The following PDE8A variants were observed in gnomAD, a reference collection of about 807,000 sequenced individuals.
PDE8A encodes the protein phosphodiesterase 8A.
In PDE8A, 59 loss-of-function variants were observed where a neutral mutation model predicts 105.0. That is an observed-to-expected ratio of 0.56 (90% CI 0.46 to 0.70). The LOEUF (loss-of-function observed/expected upper bound fraction) is 0.70. Among genes scored for constraint, PDE8A ranks in the 30% least tolerant of loss-of-function variants. The pLI is 0.00. For missense variants in PDE8A, 1,014 were observed against 1,045.9 expected (o/e 0.97, Z 0.42); for synonymous variants, 355 against 371.9 (o/e 0.95, Z 0.52).
In PDE8A at chr15:85,091,121, T is replaced by A. The variant is rs1441420773; in HGVS notation, c.792T>A (p.Pro264=). ...TAGGGAAGGAGTTAGGAGAAGTGCC[T>A]ATAAATGAAAAAAAGGCTGACTTGC... ...ELIGKELGEV[P]INEKKADLLD... The change falls in exon 8 of 22, where the codon CCT becomes CCA. Residue 264 remains proline (P), a synonymous_variant. Coordinates refer to ENST00000394553, the MANE Select transcript of PDE8A (RefSeq NM_002605.3). 6.2e-7 allele frequency: 1 copy of A among 1,613,176 alleles called. No individual in the cohort carries two copies. Among genetic ancestry groups the A allele is most frequent in the Non-Finnish European group, 8.5e-7 (1 of 1,179,428 alleles).
At chr15:85,065,562 A>G (rs1338775083) in intron 2 of PDE8A, among the ~76,000 whole-genome samples, 6 of 152,132 alleles carry the variant, frequency 3.9e-5, no homozygotes, top group African/African-American at 7.2e-5. Flanking sequence ...TGTTTCATTC[A>G]CTATTACATT....
intron 1 of PDE8A, among the ~76,000 whole-genome samples, chr15:85,009,542 G>C (rs1176853431): frequency 6.6e-6 from 1 of 152,166 alleles, no homozygotes; most frequent in African/African-American, 2.4e-5. Flanking sequence ...AGGATTTCAG[G>C]CTGGAGAAGG....
chr15:85,024,018 C>CAA (rs3042742), intron 1 of PDE8A, among the ~76,000 whole-genome samples: 12 of 150,850 alleles, frequency 8.0e-5, no homozygotes, highest in South Asian at 2.1e-4. Flanking sequence ...CTCAGATTTC[C>CAA]AAAAAAAAGT....
chr15:85,094,019 C>T (rs1009272100), intron 8 of PDE8A, among the ~76,000 whole-genome samples: 1 of 152,134 alleles, frequency 6.6e-6, no homozygotes, highest in African/African-American at 2.4e-5. Context: ...ACCATCACAC[C>T]TGGCTAATTT....
intron 5 of PDE8A, among the ~76,000 whole-genome samples, chr15:85,082,266 A>G (rs2081479384): frequency 1.3e-5 from 2 of 152,140 alleles, no homozygotes; most frequent in Admixed American, 6.5e-5. Context: ...GTTTTGGCCT[A>G]TAGGTATAAG....
chr15:85,040,351 C>A (rs1248655983), intron 1 of PDE8A, among the ~76,000 whole-genome samples: 2 of 147,256 alleles, frequency 1.4e-5, no homozygotes, highest in Non-Finnish European at 3.0e-5. Flanking sequence ...GCCACCATGC[C>A]CAGCCAAGAC....
At chr15:85,074,995 G>A (rs930259008) in intron 3 of PDE8A, among the ~76,000 whole-genome samples, 1 of 152,154 alleles carries the variant, frequency 6.6e-6, no homozygotes, top group Non-Finnish European at 1.5e-5. Context: ...TGGGTCTGGG[G>A]TGAGTTCCTT....
intron 11 of PDE8A, among the ~76,000 whole-genome samples, chr15:85,103,424 C>T: frequency 6.6e-6 from 1 of 152,116 alleles, no homozygotes; most frequent in Non-Finnish European, 1.5e-5. Context: ...CCAGGTGAGC[C>T]ACTTGCCCAT....
intron 6 of PDE8A, among the ~76,000 whole-genome samples, chr15:85,088,504 T>G (rs2081590136): frequency 6.6e-6 from 1 of 152,256 alleles, no homozygotes; most frequent in Admixed American, 6.5e-5. Context: ...TGTTTATCCA[T>G]TCATCAGTTG....
intron 8 of PDE8A, among the ~76,000 whole-genome samples, chr15:85,095,107 T>G (rs1304770126): frequency 1.3e-5 from 2 of 152,100 alleles, no homozygotes; most frequent in Admixed American, 6.6e-5. Flanking sequence ...ACTGCATCAA[T>G]AGCTTGGTGC....
chr15:84,985,357 TAA>T (rs2079785925), intron 1 of PDE8A, among the ~76,000 whole-genome samples: 1 of 152,240 alleles, frequency 6.6e-6, no homozygotes, highest in African/African-American at 2.4e-5. Flanking sequence ...TTCGGGAGTT[TAA>T]GTTTATGTGG....
chr15:84,986,493 C>G (rs1418528256), intron 1 of PDE8A, among the ~76,000 whole-genome samples: 6 of 152,130 alleles, frequency 3.9e-5, no homozygotes, highest in Admixed American at 2.0e-4. Flanking sequence ...CTGCACAAAA[C>G]TGGCCACTCT....
In PDE8A at chr15:85,044,357, G is replaced by C. The variant is rs536707910; in HGVS notation, c.187-20013G>C. Among the ~76,000 whole-genome samples, 96 of 43,228 alleles carry C rather than the reference G, an allele frequency of 2.2e-3. No homozygotes were observed. In the South Asian group the frequency reaches 0.035, roughly 16 times the overall value. 28.4% of individuals were successfully genotyped at this position (43,228 alleles called of 152,430 possible). ...TGATGGGAAAATCAGGAACAGGTAG[G>C]GGGAGGAAAGAGACTATGACAGTGG... is the stretch of plus-strand genomic sequence containing the variant. On this transcript the variant is annotated intron_variant, in intron 1 of 21. Coordinates refer to ENST00000394553, the MANE Select transcript of PDE8A (RefSeq NM_002605.3).
chr15:85,109,281 C>T, intron 12 of PDE8A, 151 bp downstream of exon 12: 1 of 516,036 alleles, frequency 1.9e-6, no homozygotes, highest in East Asian at 3.0e-5. Context: ...TTCTCCCTCT[C>T]TGTGGACTCC....
intron 1 of PDE8A, among the ~76,000 whole-genome samples, 183 bp downstream of exon 1, chr15:84,982,531 C>G (rs1412906150): frequency 6.6e-6 from 1 of 152,194 alleles, no homozygotes; most frequent in Non-Finnish European, 1.5e-5. Context: ...GAAGGACCGA[C>G]CCAGGTCCCG....
chr15:85,078,145 C>CAAAAAAA (rs34715649), intron 5 of PDE8A, among the ~76,000 whole-genome samples: 1 of 120,004 alleles, frequency 8.3e-6, no homozygotes, highest in African/African-American at 2.9e-5. Context: ...AGTGAAACTG[C>CAAAAAAA]AAAAAAAAAA....
chr15:84,995,208 C>A (rs1296629852), intron 1 of PDE8A, among the ~76,000 whole-genome samples: 1 of 152,110 alleles, frequency 6.6e-6, no homozygotes, highest in Non-Finnish European at 1.5e-5. Flanking sequence ...TTTCATTATG[C>A]TCCTTATTGG....
chr15:85,039,339 G>A (rs755073648), intron 1 of PDE8A, among the ~76,000 whole-genome samples: 3 of 152,016 alleles, frequency 2.0e-5, no homozygotes, highest in East Asian at 3.9e-4. Context: ...TGAGGTGGGA[G>A]GATTGCTTGA....
chr15:85,010,885 C>CT (rs1282369944), intron 1 of PDE8A, among the ~76,000 whole-genome samples: 1 of 59,094 alleles, frequency 1.7e-5, no homozygotes, highest in Non-Finnish European at 3.6e-5. Flanking sequence ...CTGTGTTTCC[C>CT]CCAGTCGTGT....
Sources: gnomAD v4.1 joint callset for allele counts (sites outside exome capture counted in the v4.1 genomes callset) on GRCh38, gnomAD v4.1.1 for gene constraint, MANE v1.5 for transcripts, NCBI Gene and HGNC (gene_info 2026-07-23, HGNC 2026-07-21) for gene names.